The following ZNF587 variants were observed in gnomAD, a reference collection of about 807,000 sequenced individuals.
ZNF587 encodes the protein zinc finger protein 587, also known as zinc finger protein zfp6.
In ZNF587, 8 loss-of-function variants were observed where a neutral mutation model predicts 7.5. That is an observed-to-expected ratio of 1.06 (90% CI 0.62 to 1.92). The LOEUF is 1.92. Ranked by LOEUF, ZNF587 falls within the 40% of genes most tolerant of loss-of-function variation. The pLI, the probability that ZNF587 is intolerant of heterozygous loss-of-function variation, is 0.00. For missense variants in ZNF587, 468 were observed against 692.8 expected, an observed-to-expected ratio of 0.68 and a Z score of 3.64; for synonymous variants, 145 against 237.8, an observed-to-expected ratio of 0.61 and a Z score of 3.59.
Position 57,859,217 on chromosome 19 carries a change from G to T in ZNF587, c.805G>T (p.Asp269Tyr). Residue 269 changes from aspartate to tyrosine, a missense_variant, in exon 3 of 3, where the codon GAT (aspartate) becomes TAT (tyrosine). Asp to Tyr is a radical substitution (Grantham distance 160). Transcript: ENST00000339656. The stretch of plus-strand genomic sequence containing the variant: ...AGATCACACTGCAAAAGGACCTTAT[G>T]ATTGTGGAGAGTGTGGGAAATCTTA... ...QRDHTAKGPY[D>Y]CGECGKSYSR... 1.9e-6 allele frequency: 3 copies of T among 1,608,520 alleles called. No homozygotes were observed. The highest frequency in any genetic ancestry group is 1.7e-6 in the Non-Finnish European group (2 of 1,178,368).
intron 1 of ZNF587, among the ~76,000 whole-genome samples, chr19:57,853,280 T>A (rs1320368675): frequency 2.6e-5 from 4 of 152,200 alleles, no homozygotes; most frequent in Admixed American, 2.0e-4. Flanking sequence ...GGTATTGACA[T>A]AATATTCACT....
chr19:57,855,647 CGCCTCCTGGGTTCACGCCATTCTCCG>C (rs1463527577), intron 1 of ZNF587, among the ~76,000 whole-genome samples: 1 of 149,742 alleles, frequency 6.7e-6, no homozygotes, highest in East Asian at 2.0e-4. Flanking sequence ...CTACAAACCC[CGCCTCCTGGGTTCACGCCATTCTCCG>C]GCCTCAGCCT....
rs2071256171 is a variant in ZNF587, at chr19:57,849,908, C to T, written c.-131C>T. On this transcript the variant is annotated 5_prime_UTR_variant, in exon 1 of 3. Transcript: ENST00000339656. ...CGGGTGTTTCCCCAGTTTGTGGCCC[C>T]TGAGTGCTGGGTGGGACCGCGGTGA... is the stretch of plus-strand genomic sequence containing the variant. 6 of 1,567,232 alleles carry T rather than the reference C, an allele frequency of 3.8e-6. 1 individual carries two copies. In the South Asian group the frequency reaches 5.8e-5, roughly 15 times the overall value.
rs1284925689 is a variant in ZNF587 at position 57,859,644 on chromosome 19, A to G, written c.1232A>G (p.Lys411Arg). The G allele has an allele frequency of 1.9e-6, 3 of 1,613,056 alleles. No individual in the cohort carries two copies. The South Asian group carries it at 3.3e-5, about 18-fold the overall frequency. ...ACTGGAGAAAGGCCCTATGAGTGCA[A>G]GGAATGTGGGAAATCATTTAGGTAC... Reference protein sequence around the residue: ...GHTGERPYECKECGKSFRYRS... With the variant: ...GHTGERPYECRECGKSFRYRS... The change falls in exon 3 of 3, where the codon AAG (lysine) becomes AGG (arginine). Residue 411 changes from lysine (K) to arginine (R), a missense_variant. Lys to Arg is a conservative substitution (Grantham distance 26). This residue lies in a region of ZNF587 where 310 missense variants were observed against 325.6 expected (regional missense o/e 0.95). Transcript: ENST00000339656.
At position 57,859,777 on chromosome 19, in the gene ZNF587, G is replaced by C; in HGVS notation, c.1365G>C (p.Glu455Asp). The C allele has an allele frequency of 6.2e-7, 1 of 1,614,084 alleles. No individual in the cohort carries two copies. The highest frequency in any genetic ancestry group is 8.5e-7 in the Non-Finnish European group (1 of 1,180,000). Residue 455 changes from glutamate (E) to aspartate (D), a missense_variant, in exon 3 of 3, where the codon GAG becomes GAC. By Grantham distance (45) the Glu-to-Asp change is conservative. Around this residue, in one of 5 missense-constraint regions of ZNF587, gnomAD observed 310 missense variants for 325.6 expected, o/e 0.95. Coordinates refer to ENST00000339656, the MANE Select transcript of ZNF587 (RefSeq NM_032828.4). ...FNRKYHLLVHERVHTGERPYA... is the reference protein window; with the variant it reads ...FNRKYHLLVHDRVHTGERPYA... Reference sequence around the variant, plus strand: ...GGAAGTATCATCTTCTGGTTCATGAGAGAGTTCACACTGGAGAAAGGCCAT... The same window carrying C: ...GGAAGTATCATCTTCTGGTTCATGACAGAGTTCACACTGGAGAAAGGCCAT...
rs1411538879 is a variant in ZNF587, at chr19:57,856,181, G to A, written c.111G>A (p.Arg37=). ...GGTGTCTTCTTAGTGAGGCTCAGAG[G>A]TGCTTGTACCGTGATGTGATGCTAG... ...EEWCLLSEAQ[R]CLYRDVMLEN... Residue 37 remains arginine, a synonymous_variant, in exon 2 of 3, where the codon AGG becomes AGA. Transcript: ENST00000339656. 2 of 1,611,266 alleles carry A rather than the reference G, an allele frequency of 1.2e-6. No individual in the cohort carries two copies. Among genetic ancestry groups the A allele is most frequent in the African/African-American group, 2.7e-5 (2 of 74,890 alleles).
In ZNF587 at chr19:57,856,268, T is replaced by C. The variant is rs202208658; in HGVS notation, c.163+35T>C. ...TCACGCTCACCTTTGTGACCTGAGC[T>C]AGTGTTACTGTTCCCCTGTTTTTCA... is the stretch of plus-strand genomic sequence containing the variant. On this transcript the variant is annotated intron_variant, in intron 2 of 2. Transcript: ENST00000339656. 11,908 of 1,543,004 alleles carry C rather than the reference T, an allele frequency of 7.7e-3. 70 individuals carry two copies. The highest frequency in any genetic ancestry group is 9.3e-3 in the Non-Finnish European group (10,705 of 1,144,940).
intron 1 of ZNF587, among the ~76,000 whole-genome samples, chr19:57,855,723 G>A (rs73565784): frequency 2.6e-5 from 4 of 151,832 alleles, no homozygotes; most frequent in South Asian, 2.1e-4. Flanking sequence ...CACCATGCCC[G>A]GCTAATTTTT....
At chr19:57,852,187 A>G in intron 1 of ZNF587, 1 of 390,298 alleles carries the variant, frequency 2.6e-6, no homozygotes, top group Non-Finnish European at 4.5e-6. Flanking sequence ...GAATCTCTGA[A>G]GCCAGGATAC....
chr19:57,855,423 G>T (rs2071339663), intron 1 of ZNF587, among the ~76,000 whole-genome samples: 1 of 152,112 alleles, frequency 6.6e-6, no homozygotes, highest in Admixed American at 6.6e-5. Context: ...TCTGGTGGGG[G>T]TGGCCATGGG....
chr19:57,856,323 G>A, intron 2 of ZNF587, 90 bp downstream of exon 2: 1 of 1,513,066 alleles, frequency 6.6e-7, no homozygotes, highest in Non-Finnish European at 8.8e-7. Flanking sequence ...CACCTAAGGA[G>A]CCTGGACACA....
Position 57,859,844 on chromosome 19 carries a change from A to C in ZNF587, c.1432A>C (p.Ser478Arg), listed in dbSNP as rs772142500. Residue 478 changes from serine (S) to arginine (R), a missense_variant, in exon 3 of 3, where the codon AGC (serine) becomes CGC (arginine). By Grantham distance (110) the Ser-to-Arg change is moderately radical. This residue lies in a region of ZNF587 where 310 missense variants were observed against 325.6 expected (regional missense o/e 0.95). Transcript: ENST00000339656. ...TGGGAAATTATTTGGCAATAAGCACAGCGTGACTATACATCAGAGGATTCA... is the reference window on the plus strand; with the variant it reads ...TGGGAAATTATTTGGCAATAAGCACCGCGTGACTATACATCAGAGGATTCA... ...VCGKLFGNKH[S>R]VTIHQRIHTG... 1 of 1,613,652 alleles carries C rather than the reference A, an allele frequency of 6.2e-7. No homozygotes were observed. The highest frequency in any genetic ancestry group is 1.7e-5 in the Admixed American group (1 of 59,996).
In ZNF587 at chr19:57,860,099, CTCCT is replaced by C; in HGVS notation, c.1690_1693del (p.Leu564IlefsTer56). On this transcript the variant is annotated frameshift_variant, in exon 3 of 3. Transcript: ENST00000339656. LOFTEE classifies it low-confidence loss of function (END_TRUNC). ...AAAAACATTTCAGCGAAGCTCTACCCTCCTTCATCATCAGAGTTCACACAGGAGA... is the reference window on the plus strand; with the variant it reads ...AAAAACATTTCAGCGAAGCTCTACCCTCATCATCAGAGTTCACACAGGAGA... The C allele has an allele frequency of 1.2e-6, 2 of 1,613,370 alleles. No individual in the cohort carries two copies. The highest frequency in any genetic ancestry group is 1.7e-6 in the Non-Finnish European group (2 of 1,179,440).
rs761249629 is a variant in ZNF587, at chr19:57,862,817, A to G, written c.*2677A>G. On this transcript the variant is annotated 3_prime_UTR_variant, in exon 3 of 3. Transcript: ENST00000339656. Reference sequence around the variant, plus strand: ...CTCAACTTCCCTGAGGGCTGCCTAGAATCTGTTTCCTCTCACTCTGAATTA... The same window carrying G: ...CTCAACTTCCCTGAGGGCTGCCTAGGATCTGTTTCCTCTCACTCTGAATTA... 7.4e-4 allele frequency: 115 copies of G among 155,096 alleles called. No homozygotes were observed. Among genetic ancestry groups the G allele is most frequent in the Non-Finnish European group, 1.3e-3 (92 of 68,208 alleles). 9.6% of individuals were successfully genotyped at this position (155,096 alleles called of 1,614,324 possible). A position where few individuals can be genotyped will look rare whatever the true frequency, so the allele number is the denominator to read the frequency against.
chr19:57,856,785 T>A (rs974435491), intron 2 of ZNF587, among the ~76,000 whole-genome samples: 11 of 152,016 alleles, frequency 7.2e-5, no homozygotes, highest in Non-Finnish European at 1.0e-4. Context: ...TCAGGAGTCT[T>A]ATAGGCACCT....
chr19:57,850,487 C>A (rs558171656), intron 1 of ZNF587: 4 of 495,634 alleles, frequency 8.1e-6, no homozygotes, highest in African/African-American at 2.0e-5. Flanking sequence ...GTTTTCTGTT[C>A]TGGGTGGGAT....
At chr19:57,854,926 C>G (rs377444777) in intron 1 of ZNF587, among the ~76,000 whole-genome samples, 19 of 151,464 alleles carry the variant, frequency 1.3e-4, no homozygotes, top group African/African-American at 4.6e-4. Context: ...CCTGGAATCC[C>G]AGCACTTTGG....
At chr19:57,855,973 C>T (rs1271080435) in intron 1 of ZNF587, 131 bp from the exon 2 acceptor site, 2 of 1,476,598 alleles carry the variant, frequency 1.4e-6, no homozygotes, top group African/African-American at 1.4e-5. Context: ...GACAAAGGCA[C>T]CAGTGGATGT....
rs2071417875 is a variant in ZNF587 at position 57,860,274 on chromosome 19, G to A, written c.*134G>A. 4 of 1,525,974 alleles carry A rather than the reference G, an allele frequency of 2.6e-6. No homozygotes were observed. Among genetic ancestry groups the A allele is most frequent in the South Asian group, 2.4e-5 (2 of 81,916 alleles). 94.5% of individuals were successfully genotyped at this position (1,525,974 alleles called of 1,614,324 possible). On this transcript the variant is annotated 3_prime_UTR_variant, in exon 3 of 3. Coordinates refer to ENST00000339656, the MANE Select transcript of ZNF587 (RefSeq NM_032828.4). ...GAATGTCTGCTGTCCTCGGTCTTAA[G>A]CGACTTCGTGTTGAGATGGAGTCTT...
Sources: allele counts gnomAD v4.1 joint callset (sites outside exome capture counted in the v4.1 genomes callset), GRCh38; gene constraint gnomAD v4.1.1; regional missense constraint gnomAD v4.1.1; transcripts MANE v1.5; gene names NCBI Gene and HGNC (gene_info 2026-07-23, HGNC 2026-07-21).